CARMIL1: variants seen among roughly 807,000 people sequenced by gnomAD.
The protein encoded by CARMIL1 is F-actin-uncapping protein LRRC16A.
Under a neutral mutation model 177.1 loss-of-function variants are expected in CARMIL1, and 90 were observed. The observed-to-expected ratio is 0.51, with a 90% CI of 0.43 to 0.61. The LOEUF (loss-of-function observed/expected upper bound fraction) is 0.61, where lower values mean the gene tolerates loss of function less well. Ranked by LOEUF, CARMIL1 falls within the 20% of genes least tolerant of loss-of-function variation. The pLI is 0.00. For missense variants in CARMIL1, 1,380 were observed against 1,667.0 expected (o/e 0.83, Z 3.00); for synonymous variants, 577 against 606.2 (o/e 0.95, Z 0.71).
intron 21 of CARMIL1, 65 bp from the exon 22 acceptor site, chr6:25,517,282 A>G: frequency 8.2e-7 from 1 of 1,223,056 alleles, no homozygotes; most frequent in Non-Finnish European, 1.2e-6. Flanking sequence ...TAAGAGGTTT[A>G]TATTCAATGT....
At chr6:25,471,366 C>T in intron 10 of CARMIL1, 109 bp downstream of exon 10, 1 of 646,494 alleles carries the variant, frequency 1.5e-6, no homozygotes, top group South Asian at 2.6e-5. Context: ...ATCACATATA[C>T]AGCAATGTTT....
chr6:25,547,547 C>T (rs1237287170), intron 26 of CARMIL1, among the ~76,000 whole-genome samples: 1 of 152,086 alleles, frequency 6.6e-6, no homozygotes, highest in Admixed American at 6.6e-5. Context: ...TGGACTATAC[C>T]CGTACTTAGT....
At chr6:25,419,778 G>T (rs1344272442) in intron 2 of CARMIL1, among the ~76,000 whole-genome samples, 3 of 152,154 alleles carry the variant, frequency 2.0e-5, no homozygotes, top group African/African-American at 7.2e-5. Flanking sequence ...TTGATATAGT[G>T]AGACTTGTGA....
chr6:25,382,483 A>C (rs1474300763), intron 2 of CARMIL1, among the ~76,000 whole-genome samples: 1 of 152,182 alleles, frequency 6.6e-6, no homozygotes, highest in Non-Finnish European at 1.5e-5. Flanking sequence ...GAAGAGCGAA[A>C]GAACAAAGCT....
intron 15 of CARMIL1, 135 bp from the exon 16 acceptor site, chr6:25,494,976 C>A: frequency 1.7e-6 from 1 of 582,140 alleles, no homozygotes; most frequent in Non-Finnish European, 3.0e-6. Flanking sequence ...AGGTTTTGGA[C>A]ATTTATTTGT....
intron 8 of CARMIL1, chr6:25,452,043 G>A: frequency 1.7e-6 from 1 of 588,404 alleles, no homozygotes; most frequent in Non-Finnish European, 3.2e-6. Context: ...CTACCTGGCA[G>A]GAAATCCAGA....
intron 2 of CARMIL1, among the ~76,000 whole-genome samples, chr6:25,358,654 A>C (rs1319077381): frequency 6.6e-6 from 1 of 152,198 alleles, no homozygotes; most frequent in African/African-American, 2.4e-5. Flanking sequence ...CTAAGGGGGA[A>C]AAATAATTTG....
intron 2 of CARMIL1, among the ~76,000 whole-genome samples, chr6:25,302,018 G>A (rs1025375360): frequency 7.0e-6 from 1 of 143,750 alleles, no homozygotes; most frequent in African/African-American, 2.5e-5. Context: ...GATGCTAAGA[G>A]TTTGAAAAGC....
rs748605498 is a variant in CARMIL1, at chr6:25,600,528, A to G, written c.3334A>G (p.Lys1112Glu). The G allele has an allele frequency of 6.2e-7, 1 of 1,614,042 alleles. No individual in the cohort carries two copies. The highest frequency in any genetic ancestry group is 1.1e-5 in the South Asian group (1 of 91,086). ...PPVDCPRKDT[K>E]AAEHNGNSER... ...TGTGGACTGTCCCAGGAAGGACACA[A>G]AGGCCGCCGAGCACAATGGCAATTC... Residue 1112 changes from lysine to glutamate, a missense_variant, in exon 33 of 37, where the codon AAG becomes GAG. Physicochemically the swap from Lys to Glu is moderately conservative, Grantham distance 56. Transcript: ENST00000329474.
chr6:25,312,697 C>A (rs112539118), intron 2 of CARMIL1, among the ~76,000 whole-genome samples: 1 of 150,438 alleles, frequency 6.6e-6, no homozygotes. Context: ...CTCAGTATTA[C>A]TAATGGGGTA....
chr6:25,361,957 AG>A (rs1476984062), intron 2 of CARMIL1, among the ~76,000 whole-genome samples: 1 of 152,178 alleles, frequency 6.6e-6, no homozygotes, highest in Non-Finnish European at 1.5e-5. Context: ...CCCATAAGAC[AG>A]AGCAAAAAAT....
intron 29 of CARMIL1, among the ~76,000 whole-genome samples, chr6:25,568,870 G>T (rs1443964245): frequency 6.6e-6 from 1 of 152,122 alleles, no homozygotes; most frequent in African/African-American, 2.4e-5. Context: ...TTCATATGGG[G>T]TTTGTTCCAG....
chr6:25,371,238 T>C (rs1398882609), intron 2 of CARMIL1, among the ~76,000 whole-genome samples: 1 of 152,252 alleles, frequency 6.6e-6, no homozygotes. Flanking sequence ...GTCTTTTTGA[T>C]AGAATTACCT....
intron 2 of CARMIL1, among the ~76,000 whole-genome samples, chr6:25,410,661 A>G (rs950670952): frequency 6.6e-6 from 1 of 152,154 alleles, no homozygotes; most frequent in African/African-American, 2.4e-5. Flanking sequence ...AGGGTGGAAG[A>G]TTGGAGTCAA....
chr6:25,479,234 C>G (rs765334157), intron 11 of CARMIL1: 6 of 519,012 alleles, frequency 1.2e-5, no homozygotes, highest in Admixed American at 9.7e-5. Flanking sequence ...TCTGACTTCT[C>G]TCATGATGGA....
intron 2 of CARMIL1, among the ~76,000 whole-genome samples, chr6:25,293,302 G>GTGTGTGTGTGTGTGTTT (rs367596061): frequency 2.8e-5 from 4 of 144,506 alleles, no homozygotes; most frequent in Admixed American, 6.8e-5. Context: ...GTGTGTGTGT[G>GTGTGTGTGTGTGTGTTT]TGTTTTGTAG....
intron 2 of CARMIL1, among the ~76,000 whole-genome samples, chr6:25,293,834 A>C (rs1782181884): frequency 6.6e-6 from 1 of 151,578 alleles, no homozygotes; most frequent in African/African-American, 2.4e-5. Context: ...TGATCCTCCC[A>C]CCTCAGCCTC....
chr6:25,531,265 T>C (rs1174619221), intron 24 of CARMIL1, among the ~76,000 whole-genome samples: 2 of 152,226 alleles, frequency 1.3e-5, no homozygotes, highest in Non-Finnish European at 2.9e-5. Flanking sequence ...TTTTAGACCA[T>C]GTTGAATGGT....
chr6:25,459,270 T>TCTTTCTTTCTTTCTTTC (rs1177493724), intron 8 of CARMIL1, among the ~76,000 whole-genome samples: 5 of 21,216 alleles, frequency 2.4e-4, no homozygotes, highest in Admixed American at 5.8e-4. Context: ...TTCTTTCTTT[T>TCTTTCTTTCTTTCTTTC]TTTTTTTTTT....
Sources: gnomAD v4.1 joint callset for allele counts (sites outside exome capture counted in the v4.1 genomes callset) on GRCh38, gnomAD v4.1.1 for gene constraint, MANE v1.5 for transcripts, NCBI Gene and HGNC (gene_info 2026-07-23, HGNC 2026-07-21) for gene names.